Variants in KIAA1549L observed in about 807,000 individuals in gnomAD.
The protein encoded by KIAA1549L is KIAA1549 like, also known as UPF0606 protein KIAA1549L.
A neutral mutation model predicts 160.7 loss-of-function variants in KIAA1549L; 88 were observed. The observed-to-expected ratio is 0.55, with a 90% confidence interval of 0.46 to 0.65. The LOEUF is 0.65. Among genes scored for constraint, KIAA1549L ranks in the 30% least tolerant of loss-of-function variants. KIAA1549L has a pLI of 0.00. For missense variants in KIAA1549L, 2,258 were observed against 2,437.5 expected (o/e 0.93, Z 1.55); for synonymous variants, 950 against 976.7 (o/e 0.97, Z 0.51).
Position 33,437,420 on chromosome 11 carries a change from C to G in KIAA1549L, c.238+60531C>G, listed in dbSNP as rs187495542. On this transcript the variant is annotated intron_variant, in intron 1 of 20. Coordinates refer to ENST00000658780, the MANE Select transcript of KIAA1549L (RefSeq NM_012194.3). ...ACTGAGAGGCAGCTCTGATGAAGAT[C>G]GAAGAGCCCTGGACCGGGAGGTGTC... Among the ~76,000 whole-genome samples the G allele has an allele frequency of 2.0e-5, 3 of 152,286 alleles. No individual in the cohort carries two copies. The East Asian group carries it at 5.8e-4, about 29-fold the overall frequency.
chr11:33,594,135 G>A (rs1241991645), intron 12 of KIAA1549L, among the ~76,000 whole-genome samples: 2 of 152,130 alleles, frequency 1.3e-5, no homozygotes, highest in East Asian at 1.9e-4. Context: ...CCCACATTTT[G>A]TACTGGAATC....
intron 15 of KIAA1549L, among the ~76,000 whole-genome samples, chr11:33,618,322 A>G (rs1850873414): frequency 6.6e-6 from 1 of 152,056 alleles, no homozygotes; most frequent in Non-Finnish European, 1.5e-5. Context: ...AACACTTAAC[A>G]ATTCAGCCAA....
chr11:33,609,058 A>T (rs552525398), intron 14 of KIAA1549L, among the ~76,000 whole-genome samples: 1 of 152,266 alleles, frequency 6.6e-6, no homozygotes, highest in African/African-American at 2.4e-5. Context: ...TCACCTGCTT[A>T]TATCTCCAAC....
rs1158503145 is a variant in KIAA1549L at position 33,559,928 on chromosome 11, C to G, written c.4018+17C>G. 6.2e-7 allele frequency: 1 copy of G among 1,609,510 alleles called. No individual in the cohort carries two copies. The highest frequency in any genetic ancestry group is 1.3e-5 in the African/African-American group (1 of 74,966). On this transcript the variant is annotated intron_variant, in intron 7 of 20. Coordinates refer to ENST00000658780, the MANE Select transcript of KIAA1549L (RefSeq NM_012194.3). ...TTGCTGAACGTGAGTATGGCCATGC[C>G]TATGGGGACCCCAGTGTTTCCCCTG...
intron 1 of KIAA1549L, among the ~76,000 whole-genome samples, chr11:33,534,985 C>T (rs1000026368): frequency 6.6e-6 from 1 of 152,214 alleles, no homozygotes; most frequent in Non-Finnish European, 1.5e-5. Context: ...CTCACAATTT[C>T]CATGAGTTGA....
chr11:33,573,931 A>G (rs1157568914), intron 9 of KIAA1549L, among the ~76,000 whole-genome samples: 2 of 152,224 alleles, frequency 1.3e-5, no homozygotes, highest in African/African-American at 4.8e-5. Flanking sequence ...TCAGAATGCC[A>G]TGTAAAAATA....
intron 10 of KIAA1549L, among the ~76,000 whole-genome samples, chr11:33,582,895 A>T (rs1190557834): frequency 1.3e-5 from 2 of 152,196 alleles, no homozygotes; most frequent in Admixed American, 1.3e-4. Flanking sequence ...GGGTGACTAC[A>T]CTACAATATT....
chr11:33,658,729 C>T, intron 18 of KIAA1549L, 21 bp from the exon 19 acceptor site: 2 of 1,565,084 alleles, frequency 1.3e-6, no homozygotes, highest in Non-Finnish European at 8.7e-7. Context: ...AGTGCTAACG[C>T]AGTCCCTCTG....
At chr11:33,532,754 G>A (rs1319529339) in intron 1 of KIAA1549L, among the ~76,000 whole-genome samples, 1 of 152,202 alleles carries the variant, frequency 6.6e-6, no homozygotes, top group Non-Finnish European at 1.5e-5. Context: ...TAGTGATCTA[G>A]TTTGCTTTTC....
rs147349768 is a variant in KIAA1549L at position 33,507,611 on chromosome 11, A to T, written c.239-34191A>T. 5.3e-5 allele frequency among the ~76,000 whole-genome samples: 8 copies of T among 152,296 alleles called. 1 individual carries two copies. The highest frequency in any genetic ancestry group is 2.1e-4 in the South Asian group (1 of 4,820). On this transcript the variant is annotated intron_variant, in intron 1 of 20. Coordinates refer to ENST00000658780, the MANE Select transcript of KIAA1549L (RefSeq NM_012194.3). ...TTTGGTTCTCAGTCTGACCCCTGGC[A>T]GTAGCTTGCCAACTGTGTAACCAAG...
At chr11:33,480,881 G>T (rs568953029) in intron 1 of KIAA1549L, among the ~76,000 whole-genome samples, 34 of 152,298 alleles carry the variant, frequency 2.2e-4, no homozygotes, top group African/African-American at 8.2e-4. Flanking sequence ...AGGACATCAC[G>T]TGGATGTAGG....
chr11:33,646,096 C>A, intron 17 of KIAA1549L, 60 bp downstream of exon 17: 1 of 1,294,260 alleles, frequency 7.7e-7, no homozygotes, highest in Non-Finnish European at 1.1e-6. Flanking sequence ...TGAGTTCCAA[C>A]AGGAGACTCA....
At chr11:33,603,569 G>A (rs1850418807) in intron 13 of KIAA1549L, among the ~76,000 whole-genome samples, 1 of 152,116 alleles carries the variant, frequency 6.6e-6, no homozygotes, top group South Asian at 2.1e-4. Context: ...CACTTTGGGA[G>A]GCCAAGGTGG....
At chr11:33,654,593 A>T (rs1467057159) in intron 17 of KIAA1549L, among the ~76,000 whole-genome samples, 1 of 152,192 alleles carries the variant, frequency 6.6e-6, no homozygotes, top group Admixed American at 6.5e-5. Flanking sequence ...GTTGGAGGTG[A>T]GTGCCTCAGG....
intron 1 of KIAA1549L, among the ~76,000 whole-genome samples, chr11:33,464,513 CGT>C (rs373932155): frequency 0.027 from 2,498 of 93,302 alleles, 29 homozygotes; most frequent in South Asian, 0.12. Context: ...TGTGTGTGTG[CGT>C]GCGCGCATGC....
At chr11:33,629,789 G>C (rs544729311) in intron 16 of KIAA1549L, among the ~76,000 whole-genome samples, 7 of 150,658 alleles carry the variant, frequency 4.6e-5, no homozygotes, top group African/African-American at 1.5e-4. Context: ...CTCTCAGCTC[G>C]TCAAAGTCAT....
chr11:33,576,909 C>T (rs2133253458), intron 10 of KIAA1549L, among the ~76,000 whole-genome samples: 1 of 152,222 alleles, frequency 6.6e-6, no homozygotes, highest in East Asian at 1.9e-4. Context: ...ACGTGGATCT[C>T]AGAAGACATA....
intron 17 of KIAA1549L, among the ~76,000 whole-genome samples, chr11:33,650,059 C>T (rs933535514): frequency 2.6e-5 from 4 of 152,102 alleles, no homozygotes; most frequent in African/African-American, 4.8e-5. Context: ...GGTCCTCACC[C>T]GGAAGGAGAG....
At chr11:33,518,136 C>A (rs1265727292) in intron 1 of KIAA1549L, among the ~76,000 whole-genome samples, 1 of 33,868 alleles carries the variant, frequency 3.0e-5, no homozygotes. Flanking sequence ...AAGACTCTGT[C>A]TCAAAAAAAA....
Sources: allele counts gnomAD v4.1 joint callset (sites outside exome capture counted in the v4.1 genomes callset), GRCh38; gene constraint gnomAD v4.1.1; transcripts MANE v1.5; gene names NCBI Gene and HGNC (gene_info 2026-07-23, HGNC 2026-07-21).